The following MTUS2 variants were observed in gnomAD, a reference collection of about 807,000 sequenced individuals.
MTUS2 encodes microtubule-associated tumor suppressor candidate 2.
A neutral mutation model predicts 114.1 loss-of-function variants in MTUS2; 40 were observed. The ratio of observed to expected loss-of-function variants is 0.35; its 90% CI spans 0.27 to 0.46. MTUS2 has a LOEUF of 0.46. Ranked by LOEUF, MTUS2 falls within the 20% of genes least tolerant of loss-of-function variation. The pLI, the probability that MTUS2 is intolerant of heterozygous loss-of-function variation, is 1.00. For synonymous variants in MTUS2, 688 were observed against 672.0 expected (o/e 1.02, Z -0.37); for missense variants, 1,679 against 1,705.4 (o/e 0.98, Z 0.27).
At position 29,462,020 on chromosome 13, in the gene MTUS2, A is replaced by G. The variant is rs193038086; in HGVS notation, c.3185-18130A>G. Among the ~76,000 whole-genome samples, 203 of 152,276 alleles carry G rather than the reference A, an allele frequency of 1.3e-3. 1 individual carries two copies. Among genetic ancestry groups the G allele is most frequent in the African/African-American group, 4.6e-3 (192 of 41,556 alleles). ...GGGAGAAGGGATTTCCATGCAAGGA[A>G]AATCACAAGTACAAAGGCCCTGAGG... On this transcript the variant is annotated intron_variant, in intron 9 of 15. Coordinates refer to ENST00000612955, the MANE Select transcript of MTUS2 (RefSeq NM_001033602.4).
intron 8 of MTUS2, among the ~76,000 whole-genome samples, chr13:29,421,869 C>T (rs1379593230): frequency 2.6e-5 from 4 of 152,020 alleles, no homozygotes; most frequent in Admixed American, 6.6e-5. Flanking sequence ...ACTACAATGA[C>T]GGAGGGCAGG....
At chr13:29,034,712 A>G (rs539214363) in intron 4 of MTUS2, among the ~76,000 whole-genome samples, 9 of 152,340 alleles carry the variant, frequency 5.9e-5, no homozygotes, top group Middle Eastern at 3.4e-3. Context: ...AGGATACAGC[A>G]TGGGATTTAT....
intron 9 of MTUS2, among the ~76,000 whole-genome samples, chr13:29,470,763 C>T (rs1566219588): frequency 6.6e-6 from 1 of 152,238 alleles, no homozygotes; most frequent in Non-Finnish European, 1.5e-5. Context: ...CTTCTGCTCT[C>T]CTCCATGGGC....
At chr13:29,219,728 C>A (rs73449311) in intron 5 of MTUS2, among the ~76,000 whole-genome samples, 3,788 of 152,270 alleles carry the variant, frequency 0.025, 154 homozygotes, top group African/African-American at 0.086. Flanking sequence ...AACTTTCTGC[C>A]GCTTTTCCAT....
chr13:29,302,922 C>T (rs192261238), intron 6 of MTUS2, among the ~76,000 whole-genome samples: 87 of 152,284 alleles, frequency 5.7e-4, no homozygotes, highest in Non-Finnish European at 1.0e-3. Flanking sequence ...GGTCAGTACC[C>T]CCTGGGATGG....
At chr13:29,140,783 A>G (rs1470893420) in intron 5 of MTUS2, among the ~76,000 whole-genome samples, 1 of 152,166 alleles carries the variant, frequency 6.6e-6, no homozygotes, top group Non-Finnish European at 1.5e-5. Context: ...TCTGGTGGAC[A>G]TTCAAGAAGG....
intron 7 of MTUS2, among the ~76,000 whole-genome samples, chr13:29,348,394 G>A (rs1334952959): frequency 1.2e-5 from 1 of 81,988 alleles, no homozygotes; most frequent in Non-Finnish European, 3.5e-5. Context: ...CAGAAGTTGG[G>A]GACAGAGACC....
Position 29,047,548 on chromosome 13 carries a change from G to C in MTUS2, c.2446+13423G>C, listed in dbSNP as rs541277544. Among the ~76,000 whole-genome samples, 244 of 141,614 alleles carry C rather than the reference G, an allele frequency of 1.7e-3. 1 individual carries two copies. The highest frequency in any genetic ancestry group is 6.1e-3 in the African/African-American group (230 of 37,662). 92.9% of individuals were successfully genotyped at this position (141,614 alleles called of 152,430 possible). On this transcript the variant is annotated intron_variant, in intron 4 of 15. Coordinates refer to ENST00000612955, the MANE Select transcript of MTUS2 (RefSeq NM_001033602.4). ...TTTTTTTCTGAGACAGAGTCTTGCT[G>C]TGTCGCTCAGGCTGGAGTGCAGTGG...
At chr13:28,992,210 ACTC>A (rs942723013) in intron 2 of MTUS2, among the ~76,000 whole-genome samples, 4 of 151,962 alleles carry the variant, frequency 2.6e-5, no homozygotes, top group Non-Finnish European at 5.9e-5. Context: ...CTTAGCAGCA[ACTC>A]CTCCTCTGCA....
chr13:28,927,940 G>GAGAACCC lies in MTUS2; in HGVS notation c.-243+88095_-243+88101dup, dbSNP rs1238313062. ...GACACATAGACCAATGGAACAGATAGAGAACCCAGAAATAAAATCACACCT... is the reference window on the plus strand; with the variant it reads ...GACACATAGACCAATGGAACAGATAGAGAACCCAGAACCCAGAAATAAAATCACACCT... On this transcript the variant is annotated intron_variant, in intron 2 of 15. Transcript: ENST00000612955. Among the ~76,000 whole-genome samples, 8 of 152,220 alleles carry GAGAACCC rather than the reference G, an allele frequency of 5.3e-5. No individual in the cohort carries two copies. In the South Asian group the frequency reaches 1.4e-3, roughly 28 times the overall value.
intron 2 of MTUS2, among the ~76,000 whole-genome samples, chr13:28,887,353 C>T (rs572815214): frequency 9.9e-5 from 15 of 152,274 alleles, no homozygotes; most frequent in African/African-American, 7.2e-5. Flanking sequence ...TCGTTTCTGA[C>T]GCACCTCCCA....
chr13:29,212,678 T>C (rs1421092740), intron 5 of MTUS2, among the ~76,000 whole-genome samples: 1 of 152,268 alleles, frequency 6.6e-6, no homozygotes, highest in Non-Finnish European at 1.5e-5. Flanking sequence ...AAGGATATTA[T>C]AAAGGATACA....
intron 5 of MTUS2, among the ~76,000 whole-genome samples, chr13:29,196,748 C>CT (rs1210064340): frequency 1.3e-5 from 2 of 152,174 alleles, no homozygotes; most frequent in Admixed American, 6.5e-5. Context: ...CGTGATGTCT[C>CT]TAAGTTTTAT....
chr13:29,161,085 T>C (rs1291504579), intron 5 of MTUS2, among the ~76,000 whole-genome samples: 2 of 152,182 alleles, frequency 1.3e-5, no homozygotes, highest in Non-Finnish European at 2.9e-5. Flanking sequence ...AGGGAATTGT[T>C]TTGTAACTTG....
At chr13:29,495,206 A>AC (rs1882458382) in intron 12 of MTUS2, among the ~76,000 whole-genome samples, 1 of 138,182 alleles carries the variant, frequency 7.2e-6, no homozygotes, top group African/African-American at 2.7e-5. Flanking sequence ...AAAAAAAAAA[A>AC]CTTAAGTCAG....
At chr13:29,400,888 T>C (rs2138491235) in intron 8 of MTUS2, among the ~76,000 whole-genome samples, 1 of 152,352 alleles carries the variant, frequency 6.6e-6, no homozygotes, top group East Asian at 1.9e-4. Context: ...CTGCTCATTC[T>C]TTCCTCCTCA....
intron 5 of MTUS2, among the ~76,000 whole-genome samples, chr13:29,216,077 C>T (rs1895668780): frequency 6.6e-6 from 1 of 152,152 alleles, no homozygotes; most frequent in Admixed American, 6.5e-5. Context: ...ATGACCTGCC[C>T]AGTGAGGAGG....
intron 14 of MTUS2, among the ~76,000 whole-genome samples, chr13:29,500,834 CATT>C (rs1356355573): frequency 7.1e-6 from 1 of 141,308 alleles, no homozygotes; most frequent in Non-Finnish European, 1.5e-5. Flanking sequence ...CACACACACA[CATT>C]GATACATAAT....
intron 2 of MTUS2, among the ~76,000 whole-genome samples, chr13:28,859,151 C>T (rs1480883533): frequency 6.6e-6 from 1 of 152,114 alleles, no homozygotes; most frequent in Non-Finnish European, 1.5e-5. Flanking sequence ...GTGTTGCTAG[C>T]TGCATTTTAC....
Sources: gnomAD v4.1 joint callset for allele counts (sites outside exome capture counted in the v4.1 genomes callset) on GRCh38, gnomAD v4.1.1 for gene constraint, MANE v1.5 for transcripts, NCBI Gene and HGNC (gene_info 2026-07-23, HGNC 2026-07-21) for gene names.